CD2BP2: variants seen among roughly 807,000 people sequenced by gnomAD.
CD2BP2 encodes the protein CD2 cytoplasmic tail binding protein 2, also known as CD2 antigen cytoplasmic tail-binding protein 2.
CD2BP2 carries 27 observed loss-of-function variants against 35.9 expected under a neutral mutation model. The ratio of observed to expected loss-of-function variants is 0.75; its 90% CI spans 0.55 to 1.04. The LOEUF (loss-of-function observed/expected upper bound fraction) is 1.04. Among genes scored for constraint, CD2BP2 ranks in the 50% least tolerant of loss-of-function variants. The probability of loss-of-function intolerance (pLI) is 0.00; values close to 1 mark genes in which losing one functional copy is unlikely to be tolerated. For missense variants in CD2BP2, 497 were observed against 444.3 expected (o/e 1.12, Z -1.07); for synonymous variants, 213 against 173.5 (o/e 1.23, Z -1.79).
rs1365327626 is a variant in CD2BP2, at chr16:30,350,848, CTT to C, written c.*2135_*2136del. The C allele has an allele frequency of 6.6e-6, 1 of 152,406 alleles. No homozygotes were observed. The highest frequency in any genetic ancestry group is 2.4e-5 in the African/African-American group (1 of 41,446). The allele number at this position is 152,406 out of a possible 1,614,324, so 9.4% of individuals were successfully genotyped here. A position where few individuals can be genotyped will look rare whatever the true frequency, so the allele number is the denominator to read the frequency against. ...AAAATGGTTTTCACCAGGCTGAAGT[CTT>C]GTCAGTGCGGCTTTGTTTCTCCACG... On this transcript the variant is annotated 3_prime_UTR_variant, in exon 7 of 7. Transcript: ENST00000305596.
Position 30,353,251 on chromosome 16 carries a change from A to G in CD2BP2, c.845T>C (p.Met282Thr), listed in dbSNP as rs2049499226. The G allele has an allele frequency of 1.2e-6, 2 of 1,614,060 alleles. No homozygotes were observed. Among genetic ancestry groups the G allele is most frequent in the Non-Finnish European group, 1.7e-6 (2 of 1,180,038 alleles). ...ESRGDGLVDV[M>T]WEYKWENTGD... ...CGTGTTCTCCCACTTATATTCCCAC[A>G]TCACATCCACCAGACCATCTCCCCG... The change falls in exon 6 of 7, where the codon ATG (methionine) becomes ACG (threonine). Residue 282 changes from methionine to threonine, a missense_variant. By Grantham distance (81) the Met-to-Thr change is moderately conservative. Transcript: ENST00000305596.
rs1036629722 is a variant in CD2BP2, at chr16:30,353,108, G to A, written c.916-13C>T. 1 of 1,608,108 alleles carries A rather than the reference G, an allele frequency of 6.2e-7. No individual in the cohort carries two copies. Among genetic ancestry groups the A allele is most frequent in the Non-Finnish European group, 8.5e-7 (1 of 1,174,532 alleles). ...CACTCACCCAGGTCTGCAAGGAGAGGGCAGAGCTGGGGAACAACTGACAGG... is the reference window on the plus strand; with the variant it reads ...CACTCACCCAGGTCTGCAAGGAGAGAGCAGAGCTGGGGAACAACTGACAGG... On this transcript the variant is annotated splice_polypyrimidine_tract_variant and intron_variant, in intron 6 of 6. Transcript: ENST00000305596.
rs201697147 is a variant in CD2BP2 at position 30,353,475 on chromosome 16, C to T, written c.701G>A (p.Cys234Tyr). ...GGGATTGTGGGGTCCTAGGGTCTGA[C>T]ACCCCAAACCCTTCAGACGCATAGC... ...RLAMRLKGLG[C>Y]QTLGPHNPTP... is the part of the protein sequence containing the mutation. Residue 234 changes from cysteine (C) to tyrosine (Y), a missense_variant, in exon 5 of 7, where the codon TGT (cysteine) becomes TAT (tyrosine). By Grantham distance (194) the Cys-to-Tyr change is radical. Transcript: ENST00000305596. 27 of 1,614,026 alleles carry T rather than the reference C, an allele frequency of 1.7e-5. No homozygotes were observed. The South Asian group carries it at 2.7e-4, about 16-fold the overall frequency.
rs752528389 is a variant in CD2BP2, at chr16:30,350,808, A to G, written c.*2177T>C. 2 of 152,256 alleles carry G rather than the reference A, an allele frequency of 1.3e-5. No homozygotes were observed. 9.4% of individuals were successfully genotyped at this position (152,256 alleles called of 1,614,324 possible). ...CACCAATTTATTATCTTACAGTTCT[A>G]GAGGTCAGGAGTCCAAAATGGTTTT... On this transcript the variant is annotated 3_prime_UTR_variant, in exon 7 of 7. Coordinates refer to ENST00000305596, the MANE Select transcript of CD2BP2 (RefSeq NM_006110.3).
chr16:30,353,180 C>T lies in CD2BP2; in HGVS notation c.915+1G>A. The T allele has an allele frequency of 6.2e-7, 1 of 1,613,628 alleles. No individual in the cohort carries two copies. The highest frequency in any genetic ancestry group is 8.5e-7 in the Non-Finnish European group (1 of 1,179,524). On this transcript the variant is annotated splice_donor_variant, in intron 6 of 6. Transcript: ENST00000305596. LOFTEE classifies it high-confidence loss of function. ...GCAGGAGGAGGGAGAAAGCAGCTCA[C>T]CTGCATCTGGGCGCTGGTGAAGGGC...
rs1258686242 is a variant in CD2BP2, at chr16:30,353,770, G to A, written c.406C>T (p.Arg136Cys). ...VKIRERPPGQ[R>C]QASDSEEEDS... ...TCCTCCTCCGAGTCTGAGGCCTGGCGCTGGCCAGGTGGCCGCTCCCGGATC... is the reference window on the plus strand; with the variant it reads ...TCCTCCTCCGAGTCTGAGGCCTGGCACTGGCCAGGTGGCCGCTCCCGGATC... Residue 136 changes from arginine to cysteine, a missense_variant, in exon 5 of 7, where the codon CGC becomes TGC. Physicochemically the swap from Arg to Cys is radical, Grantham distance 180. Coordinates refer to ENST00000305596, the MANE Select transcript of CD2BP2 (RefSeq NM_006110.3). 1.3e-5 allele frequency: 21 copies of A among 1,604,370 alleles called. No homozygotes were observed. Among genetic ancestry groups the A allele is most frequent in the Middle Eastern group, 1.7e-4 (1 of 6,056 alleles).
Position 30,352,629 on chromosome 16 carries a change from C to T in CD2BP2, c.*356G>A, listed in dbSNP as rs1038990671. 7.7e-5 allele frequency: 20 copies of T among 258,952 alleles called. No individual in the cohort carries two copies. The highest frequency in any genetic ancestry group is 4.2e-4 in the African/African-American group (19 of 45,736). 16.0% of individuals were successfully genotyped at this position (258,952 alleles called of 1,614,324 possible). On this transcript the variant is annotated 3_prime_UTR_variant, in exon 7 of 7. Transcript: ENST00000305596. ...AATCTGAGGTCCTGAAAGCCAAAGA[C>T]CTAAGAGGAATCGAACAAGAAACCT...
In CD2BP2 at chr16:30,351,723, A is replaced by G. The variant is rs529202425; in HGVS notation, c.*1262T>C. The G allele has an allele frequency of 1.3e-5, 2 of 152,476 alleles. No homozygotes were observed. The highest frequency in any genetic ancestry group is 3.9e-4 in the East Asian group (2 of 5,186). The allele number at this position is 152,476 out of a possible 1,614,324, so 9.4% of individuals were successfully genotyped here. A position where few individuals can be genotyped will look rare whatever the true frequency, so the allele number is the denominator to read the frequency against. Reference sequence around the variant, plus strand: ...AAGCCACACACATGCTCAGCTCTCCAACCACGGTGGGGTCCAGGAGCCACC... The same window carrying G: ...AAGCCACACACATGCTCAGCTCTCCGACCACGGTGGGGTCCAGGAGCCACC... On this transcript the variant is annotated 3_prime_UTR_variant, in exon 7 of 7. Transcript: ENST00000305596.
rs187178513 is a variant in CD2BP2 at position 30,351,944 on chromosome 16, G to A, written c.*1041C>T. 6.4e-3 allele frequency: 976 copies of A among 152,674 alleles called. 2 individuals carry two copies. The highest frequency in any genetic ancestry group is 0.014 in the Middle Eastern group (4 of 296). 9.5% of individuals were successfully genotyped at this position (152,674 alleles called of 1,614,324 possible). ...CAAGGGGCAGCCAGAGTGCAAAACC[G>A]GAAGAAACCATCTAACGTGGGGCAA... On this transcript the variant is annotated 3_prime_UTR_variant, in exon 7 of 7. Transcript: ENST00000305596.
chr16:30,354,133 AGAGGCCCCTACTTGTTTTTC>A, intron 3 of CD2BP2, 31 bp downstream of exon 3: 2 of 1,612,432 alleles, frequency 1.2e-6, no homozygotes, highest in Non-Finnish European at 8.5e-7. Context: ...CCACACCACC[AGAGGCCCCTACTTGTTTTTC>A]CAGCAGAGTG....
rs149638906 is a variant in CD2BP2, at chr16:30,354,992, G to A, written c.-27+220C>T. 5.0e-3 allele frequency: 1,658 copies of A among 330,426 alleles called. 32 individuals are homozygous for A. Among genetic ancestry groups the A allele is most frequent in the African/African-American group, 0.034 (1,554 of 46,198 alleles). 20.5% of individuals were successfully genotyped at this position (330,426 alleles called of 1,614,324 possible). Reference sequence around the variant, plus strand: ...GTGACCGCCCCCAACTCCAGCCCCCGCAGTCTGCGCGCCACCGGCTCCACG... The same window carrying A: ...GTGACCGCCCCCAACTCCAGCCCCCACAGTCTGCGCGCCACCGGCTCCACG... On this transcript the variant is annotated intron_variant, in intron 1 of 6. Coordinates refer to ENST00000305596, the MANE Select transcript of CD2BP2 (RefSeq NM_006110.3).
rs1241603844 is a variant in CD2BP2, at chr16:30,352,320, G to A, written c.*665C>T. The A allele has an allele frequency of 6.5e-6, 1 of 152,874 alleles. No homozygotes were observed. Among genetic ancestry groups the A allele is most frequent in the Non-Finnish European group, 1.5e-5 (1 of 68,540 alleles). The allele number at this position is 152,874 out of a possible 1,614,324, so 9.5% of individuals were successfully genotyped here. On this transcript the variant is annotated 3_prime_UTR_variant, in exon 7 of 7. Coordinates refer to ENST00000305596, the MANE Select transcript of CD2BP2 (RefSeq NM_006110.3). ...ACAATGCACACTTGGCCCACACTTG[G>A]CCACTGAGTTTGCACTTCACTGAAG...
rs1391927022 is a variant in CD2BP2 at position 30,353,794 on chromosome 16, T to C, written c.382A>G (p.Ile128Val). Residue 128 changes from isoleucine to valine, a missense_variant, in exon 5 of 7, where the codon ATC (isoleucine) becomes GTC (valine). Transcript: ENST00000305596. ...CGCTGGCCAGGTGGCCGCTCCCGGA[T>C]CTTCACCTGTAATGGGAAGATGGAG... ...SWLDNIDWVK[I>V]RERPPGQRQA... 23 of 1,602,748 alleles carry C rather than the reference T, an allele frequency of 1.4e-5. No individual in the cohort carries two copies. The highest frequency in any genetic ancestry group is 1.6e-5 in the Non-Finnish European group (19 of 1,174,972).
At chr16:30,353,858 C>T (rs2049508415) in intron 4 of CD2BP2, 43 bp downstream of exon 4, 1 of 1,610,186 alleles carries the variant, frequency 6.2e-7, no homozygotes, top group Admixed American at 1.7e-5. Flanking sequence ...GGCCCAGCAT[C>T]TGCCACTCCC....
At chr16:30,353,831 C>T in intron 4 of CD2BP2, 31 bp from the exon 5 acceptor site, 1 of 1,605,838 alleles carries the variant, frequency 6.2e-7, no homozygotes, top group Non-Finnish European at 8.5e-7. Flanking sequence ...GATTTCCCAC[C>T]AACTGCCACG....
At chr16:30,354,769 A>G (rs1015918626) in intron 1 of CD2BP2, 62 bp from the exon 2 acceptor site, 1 of 1,131,860 alleles carries the variant, frequency 8.8e-7, no homozygotes, top group Non-Finnish European at 1.3e-6. Flanking sequence ...CAGACGCAGC[A>G]CAGCAAACAT....
In CD2BP2 at chr16:30,355,253, C is replaced by G. The variant is rs1274934003; in HGVS notation, c.-68G>C. On this transcript the variant is annotated 5_prime_UTR_variant, in exon 1 of 7. Coordinates refer to ENST00000305596, the MANE Select transcript of CD2BP2 (RefSeq NM_006110.3). ...GGCGAGGTGGAAAAAAGAAGAGATGCTTGCGCCAGGGCTACATCCGGGGCA... is the reference window on the plus strand; with the variant it reads ...GGCGAGGTGGAAAAAAGAAGAGATGGTTGCGCCAGGGCTACATCCGGGGCA... The G allele has an allele frequency of 6.6e-6, 1 of 152,646 alleles. No homozygotes were observed. Among genetic ancestry groups the G allele is most frequent in the Admixed American group, 6.5e-5 (1 of 15,292 alleles). The allele number at this position is 152,646 out of a possible 1,614,324, so 9.5% of individuals were successfully genotyped here.
At position 30,351,959 on chromosome 16, in the gene CD2BP2, A is replaced by C. The variant is rs2049485449; in HGVS notation, c.*1026T>G. 1 of 152,614 alleles carries C rather than the reference A, an allele frequency of 6.6e-6. No individual in the cohort carries two copies. Among genetic ancestry groups the C allele is most frequent in the Non-Finnish European group, 1.5e-5 (1 of 68,300 alleles). 9.5% of individuals were successfully genotyped at this position (152,614 alleles called of 1,614,324 possible). On this transcript the variant is annotated 3_prime_UTR_variant, in exon 7 of 7. Transcript: ENST00000305596. Reference sequence around the variant, plus strand: ...GTGCAAAACCGGAAGAAACCATCTAACGTGGGGCAAGGGAGGCGTAAGGCA... The same window carrying C: ...GTGCAAAACCGGAAGAAACCATCTACCGTGGGGCAAGGGAGGCGTAAGGCA...
rs144808257 is a variant in CD2BP2, at chr16:30,352,988, G to A, written c.1023C>T (p.Thr341=). The A allele has an allele frequency of 3.9e-5, 63 of 1,606,150 alleles. No individual in the cohort carries two copies. In the African/African-American group the frequency reaches 7.9e-4, roughly 20 times the overall value. ...NSKRIDFDLY[T] is the part of the protein sequence containing the mutation. ...CCAAACTGGGCCCCCAGCAGGCTCA[G>A]GTGTAGAGGTCAAAGTCAATGCGTT... The change falls in exon 7 of 7, where the codon ACC becomes ACT. Residue 341 remains threonine (T), a synonymous_variant. Transcript: ENST00000305596.
Sources: gnomAD v4.1 joint callset for allele counts on GRCh38, gnomAD v4.1.1 for gene constraint, MANE v1.5 for transcripts, NCBI Gene and HGNC (gene_info 2026-07-23, HGNC 2026-07-21) for gene names.